Variants in WWP1 observed in about 807,000 individuals in gnomAD.
WWP1 encodes NEDD4-like E3 ubiquitin-protein ligase WWP1.
WWP1 carries 49 observed loss-of-function variants against 130.6 expected under a neutral mutation model. The ratio of observed to expected loss-of-function variants is 0.38; its 90% CI spans 0.30 to 0.48. The LOEUF is 0.48. Among genes scored for constraint, WWP1 ranks in the 20% least tolerant of loss-of-function variants. The pLI, the probability that WWP1 is intolerant of heterozygous loss-of-function variation, is 0.99. For missense variants in WWP1, 809 were observed against 1,100.6 expected, an observed-to-expected ratio of 0.74 and a Z score of 3.75; for synonymous variants, 332 against 367.8, an observed-to-expected ratio of 0.90 and a Z score of 1.11.
At chr8:86,360,290 T>A (rs1018233770) in intron 1 of WWP1, among the ~76,000 whole-genome samples, 3 of 152,226 alleles carry the variant, frequency 2.0e-5, no homozygotes, top group Non-Finnish European at 4.4e-5. Flanking sequence ...TACCTTTCCA[T>A]GAAAATTGCT....
chr8:86,373,168 T>G (rs1198233761), intron 2 of WWP1, among the ~76,000 whole-genome samples: 1 of 152,002 alleles, frequency 6.6e-6, no homozygotes, highest in Non-Finnish European at 1.5e-5. Context: ...AAATTTATCT[T>G]TTGTTACTGA....
intron 1 of WWP1, among the ~76,000 whole-genome samples, chr8:86,363,628 C>G (rs971548039): frequency 6.6e-6 from 1 of 151,716 alleles, no homozygotes; most frequent in Non-Finnish European, 1.5e-5. Flanking sequence ...ATGGTGAAAC[C>G]CCGTCTCTAC....
At chr8:86,415,155 A>G (rs931029437) in intron 9 of WWP1, among the ~76,000 whole-genome samples, 10 of 152,132 alleles carry the variant, frequency 6.6e-5, no homozygotes, top group Admixed American at 5.9e-4. Flanking sequence ...AGAACTTTGC[A>G]TGTGCTCTTT....
intron 21 of WWP1, among the ~76,000 whole-genome samples, chr8:86,455,285 A>G (rs931160925): frequency 6.6e-6 from 1 of 151,910 alleles, no homozygotes; most frequent in Non-Finnish European, 1.5e-5. Context: ...AAAGATGTCT[A>G]CTCTTACCAC....
At chr8:86,464,007 T>C (rs72606633) in intron 24 of WWP1, among the ~76,000 whole-genome samples, 40,996 of 151,772 alleles carry the variant, frequency 0.27, 6,395 homozygotes, top group East Asian at 0.54. Context: ...GCTGCAGTGA[T>C]CCATGATCAC....
intron 1 of WWP1, among the ~76,000 whole-genome samples, chr8:86,361,900 A>G (rs1823621686): frequency 6.6e-6 from 1 of 151,338 alleles, no homozygotes; most frequent in Non-Finnish European, 1.5e-5. Flanking sequence ...ACTGAGAGCA[A>G]AGAGCATATT....
chr8:86,447,457 G>A (rs1202334390), intron 18 of WWP1, among the ~76,000 whole-genome samples: 1 of 152,024 alleles, frequency 6.6e-6, no homozygotes, highest in Non-Finnish European at 1.5e-5. Flanking sequence ...TAGTAAGGAC[G>A]GGGTTTCACT....
chr8:86,435,486 G>A lies in WWP1; in HGVS notation c.1636G>A (p.Gly546Ser), dbSNP rs779590886. ...TGGTCCACAAATTGCTTATGAACGCGGCTTTAGGTGGAAGCTTGCTCACTT... is the reference window on the plus strand; with the variant it reads ...TGGTCCACAAATTGCTTATGAACGCAGCTTTAGGTGGAAGCTTGCTCACTT... ...KGGPQIAYER[G>S]FRWKLAHFRY... Residue 546 changes from glycine to serine, a missense_variant, in exon 15 of 25, where the codon GGC (glycine) becomes AGC (serine). Transcript: ENST00000517970. The A allele has an allele frequency of 1.7e-5, 27 of 1,613,896 alleles. No individual in the cohort carries two copies. The highest frequency in any genetic ancestry group is 2.2e-5 in the East Asian group (1 of 44,870).
Position 86,445,976 on chromosome 8 carries a change from C to CTTTTTT in WWP1, c.1999-2155_1999-2150dup, listed in dbSNP as rs56731329. 1.1e-3 allele frequency among the ~76,000 whole-genome samples: 92 copies of CTTTTTT among 84,992 alleles called. 1 individual carries two copies. Among genetic ancestry groups the CTTTTTT allele is most frequent in the South Asian group, 1.9e-3 (4 of 2,096 alleles). 55.8% of individuals were successfully genotyped at this position (84,992 alleles called of 152,430 possible). A position where few individuals can be genotyped will look rare whatever the true frequency, so the allele number is the denominator to read the frequency against. On this transcript the variant is annotated intron_variant, in intron 18 of 24. Coordinates refer to ENST00000517970, the MANE Select transcript of WWP1 (RefSeq NM_007013.4). ...CTTTTCTTTTCTTTTCTTTTCTTTT[C>CTTTTTT]TTTTTTTTTTTTTTTTTTTTTTGAG...
rs1809973044 is a variant in WWP1 at position 86,431,455 on chromosome 8, A to C, written c.1437A>C (p.Thr479=). ...TDRVYFVNHN[T]KTTQWEDPRT... is the part of the protein sequence containing the mutation. ...GGGTTTACTTTGTGAATCATAACAC[A>C]AAAACAACCCAGTGGGAAGATCCAA... The change falls in exon 13 of 25, where the codon ACA becomes ACC. Residue 479 remains threonine (T), a synonymous_variant. Transcript: ENST00000517970. 1 of 1,611,206 alleles carries C rather than the reference A, an allele frequency of 6.2e-7. No homozygotes were observed. The highest frequency in any genetic ancestry group is 1.3e-5 in the African/African-American group (1 of 74,892).
At chr8:86,352,889 A>T (rs966186024) in intron 1 of WWP1, among the ~76,000 whole-genome samples, 2 of 152,232 alleles carry the variant, frequency 1.3e-5, no homozygotes, top group Non-Finnish European at 2.9e-5. Flanking sequence ...TTTCCTCCGT[A>T]CTTCTTTCTA....
At chr8:86,459,675 T>G (rs1222566085) in intron 22 of WWP1, among the ~76,000 whole-genome samples, 2 of 152,224 alleles carry the variant, frequency 1.3e-5, no homozygotes, top group Non-Finnish European at 2.9e-5. Context: ...AAGCCTAAAA[T>G]ATCTGAACTG....
intron 22 of WWP1, among the ~76,000 whole-genome samples, chr8:86,460,278 T>G (rs1586514641): frequency 6.6e-6 from 1 of 151,488 alleles, no homozygotes; most frequent in Admixed American, 6.6e-5. Flanking sequence ...AGCAGGGAGG[T>G]GTTCATTTGT....
In WWP1 at chr8:86,430,423, G is replaced by A. The variant is rs548166778; in HGVS notation, c.1333-274G>A. On this transcript the variant is annotated intron_variant, in intron 11 of 24. Coordinates refer to ENST00000517970, the MANE Select transcript of WWP1 (RefSeq NM_007013.4). ...AGCCTTCCAAGTAGCTGGGACTTTAGGCATGTGCCAACACATCTGGCTAAT... is the reference window on the plus strand; with the variant it reads ...AGCCTTCCAAGTAGCTGGGACTTTAAGCATGTGCCAACACATCTGGCTAAT... Among the ~76,000 whole-genome samples, 5 of 151,878 alleles carry A rather than the reference G, an allele frequency of 3.3e-5. No individual in the cohort carries two copies. The South Asian group carries it at 1.0e-3, about 32-fold the overall frequency.
At chr8:86,364,238 G>A (rs1369467826) in intron 1 of WWP1, among the ~76,000 whole-genome samples, 1 of 152,168 alleles carries the variant, frequency 6.6e-6, no homozygotes, top group East Asian at 1.9e-4. Context: ...TGCTTTGAGG[G>A]AGAGAAATAA....
chr8:86,342,796 C>G lies in WWP1; in HGVS notation c.-249C>G. 2.7e-6 allele frequency: 1 copy of G among 369,094 alleles called. No homozygotes were observed. The highest frequency in any genetic ancestry group is 4.8e-6 in the Non-Finnish European group (1 of 207,050). 22.9% of individuals were successfully genotyped at this position (369,094 alleles called of 1,614,324 possible). On this transcript the variant is annotated 5_prime_UTR_variant, in exon 1 of 25. Coordinates refer to ENST00000517970, the MANE Select transcript of WWP1 (RefSeq NM_007013.4). ...TGGCGGCCTGGGCTGCCGGGGCCGA[C>G]GCCTGGGTGGCTGCTGCCGCCGCGC...
chr8:86,421,766 T>C (rs986849235), intron 9 of WWP1, among the ~76,000 whole-genome samples: 4 of 151,860 alleles, frequency 2.6e-5, no homozygotes, highest in African/African-American at 9.7e-5. Flanking sequence ...GGAGCTTACA[T>C]GAGCCAAGAT....
chr8:86,349,984 C>G (rs80291669), intron 1 of WWP1, among the ~76,000 whole-genome samples: 20 of 152,170 alleles, frequency 1.3e-4, no homozygotes, highest in African/African-American at 4.8e-4. Context: ...AGTGAGCAAC[C>G]TGTCCCCCAC....
At chr8:86,460,788 A>ATTTT (rs1811717745) in intron 22 of WWP1, among the ~76,000 whole-genome samples, 2 of 67,754 alleles carry the variant, frequency 3.0e-5, no homozygotes, top group African/African-American at 3.9e-5. Context: ...TTTTTAGCAC[A>ATTTT]TCTTTTTTTT....
Sources: allele counts gnomAD v4.1 joint callset (sites outside exome capture counted in the v4.1 genomes callset), GRCh38; gene constraint gnomAD v4.1.1; transcripts MANE v1.5; gene names NCBI Gene and HGNC (gene_info 2026-07-23, HGNC 2026-07-21).